DPP8: variants seen among roughly 807,000 people sequenced by gnomAD.
The protein encoded by DPP8 is dipeptidyl peptidase 8.
In DPP8, 31 loss-of-function variants were observed where a neutral mutation model predicts 107.5. The observed-to-expected ratio is 0.29, with a 90% CI of 0.22 to 0.39. The LOEUF (loss-of-function observed/expected upper bound fraction) is 0.39, where lower values mean the gene tolerates loss of function less well. Among genes scored for constraint, DPP8 ranks in the 10% least tolerant of loss-of-function variants. The probability of loss-of-function intolerance (pLI) is 1.00; values close to 1 mark genes in which losing one functional copy is unlikely to be tolerated. For synonymous variants in DPP8, 381 were observed against 356.6 expected (o/e 1.07, Z -0.77); for missense variants, 842 against 1,076.1 (o/e 0.78, Z 3.04).
intron 13 of DPP8, 66 bp from the exon 14 acceptor site, chr15:65,466,879 C>G: frequency 6.7e-7 from 1 of 1,501,080 alleles, no homozygotes; most frequent in South Asian, 1.2e-5. Flanking sequence ...GCTGTTACAT[C>G]TGCACTAATG....
intron 3 of DPP8, among the ~76,000 whole-genome samples, chr15:65,503,685 C>T (rs1459739277): frequency 1.3e-5 from 2 of 151,958 alleles, no homozygotes; most frequent in South Asian, 2.1e-4. Flanking sequence ...TGCAGTGGCA[C>T]GATTTAAGCT....
chr15:65,471,973 C>G lies in DPP8; in HGVS notation c.1536+2236G>C, dbSNP rs1444722971. Among the ~76,000 whole-genome samples the G allele has an allele frequency of 2.0e-4, 30 of 152,140 alleles. 1 individual carries two copies. The highest frequency in any genetic ancestry group is 5.9e-5 in the Non-Finnish European group (4 of 68,034). On this transcript the variant is annotated intron_variant, in intron 12 of 19. Transcript: ENST00000300141. ...GCCTTCACTAAATCCTGGCAGCATA[C>G]CTCAACTATATGTGTCACACACATA... is the stretch of plus-strand genomic sequence containing the variant.
chr15:65,498,160 G>A (rs990125276), intron 4 of DPP8, 128 bp from the exon 5 acceptor site: 3 of 639,514 alleles, frequency 4.7e-6, no homozygotes, highest in Non-Finnish European at 4.8e-6. Context: ...GGTGACTTAC[G>A]CCTGTAATCC....
intron 7 of DPP8, among the ~76,000 whole-genome samples, 170 bp downstream of exon 7, chr15:65,487,520 A>G (rs905901164): frequency 6.6e-6 from 1 of 152,208 alleles, no homozygotes; most frequent in African/African-American, 2.4e-5. Context: ...AAAGAATCAA[A>G]AAGATCACCC....
intron 1 of DPP8, among the ~76,000 whole-genome samples, chr15:65,514,028 A>G (rs538437341): frequency 5.9e-5 from 9 of 152,166 alleles, no homozygotes; most frequent in Non-Finnish European, 7.3e-5. Flanking sequence ...TACATTTAAT[A>G]TATCTTTTTT....
At chr15:65,504,628 C>T (rs1409755717) in intron 3 of DPP8, among the ~76,000 whole-genome samples, 11 of 136,964 alleles carry the variant, frequency 8.0e-5, no homozygotes, top group Non-Finnish European at 3.0e-5. Flanking sequence ...GAGAACGCGC[C>T]ACTGCACTCC....
intron 5 of DPP8, among the ~76,000 whole-genome samples, chr15:65,497,018 TAGCTGGGAATTACAGGTG>T (rs2068672519): frequency 6.6e-6 from 1 of 152,136 alleles, no homozygotes; most frequent in Non-Finnish European, 1.5e-5. Flanking sequence ...ACCTCCCTAG[TAGCTGGGAATTACAGGTG>T]TGCACCACCA....
intron 12 of DPP8, among the ~76,000 whole-genome samples, chr15:65,468,895 G>A (rs1228344253): frequency 6.6e-6 from 1 of 152,108 alleles, no homozygotes; most frequent in African/African-American, 2.4e-5. Context: ...TCATAATTGT[G>A]TGGGGGGCTT....
chr15:65,445,054 T>C lies in DPP8; in HGVS notation c.*1830A>G, dbSNP rs1213802960. 6.6e-6 allele frequency: 1 copy of C among 152,158 alleles called. No individual in the cohort carries two copies. Among genetic ancestry groups the C allele is most frequent in the East Asian group, 1.9e-4 (1 of 5,206 alleles). The allele number at this position is 152,158 out of a possible 1,614,324, so 9.4% of individuals were successfully genotyped here. A position where few individuals can be genotyped will look rare whatever the true frequency, so the allele number is the denominator to read the frequency against. ...TATCAAACATGAAAAGCAATACATA[T>C]ACAGATAATAAGAAAAAGCGTGGTA... On this transcript the variant is annotated 3_prime_UTR_variant, in exon 20 of 20. Coordinates refer to ENST00000300141, the MANE Select transcript of DPP8 (RefSeq NM_130434.5).
intron 5 of DPP8, among the ~76,000 whole-genome samples, chr15:65,494,051 G>C (rs1184930868): frequency 6.9e-6 from 1 of 145,088 alleles, no homozygotes; most frequent in East Asian, 2.0e-4. Context: ...ATTAATATCT[G>C]TTTTTACAGA....
chr15:65,475,014 G>GC (rs1567194270), intron 11 of DPP8, among the ~76,000 whole-genome samples: 2 of 150,694 alleles, frequency 1.3e-5, no homozygotes, highest in African/African-American at 4.9e-5. Context: ...TCTTTTCGTT[G>GC]TTTTTTTTTC....
At chr15:65,465,823 T>G (rs2065301863) in intron 14 of DPP8, among the ~76,000 whole-genome samples, 1 of 152,334 alleles carries the variant, frequency 6.6e-6, no homozygotes, top group African/African-American at 2.4e-5. Flanking sequence ...CCCAAAGTGC[T>G]GGGATTACAC....
chr15:65,481,909 C>G (rs1334109500), intron 8 of DPP8, among the ~76,000 whole-genome samples: 1 of 151,948 alleles, frequency 6.6e-6, no homozygotes. Flanking sequence ...GTTTTAATCA[C>G]CTTAGACTCC....
chr15:65,465,758 G>A (rs1057233782), intron 14 of DPP8, among the ~76,000 whole-genome samples: 4 of 151,634 alleles, frequency 2.6e-5, no homozygotes, highest in Admixed American at 6.6e-5. Context: ...GGGTTTCACC[G>A]TGTTAGCCAG....
chr15:65,466,877 A>G (rs2065406529), intron 13 of DPP8, 64 bp from the exon 14 acceptor site: 4 of 1,500,546 alleles, frequency 2.7e-6, no homozygotes, highest in Non-Finnish European at 1.8e-6. Context: ...CTGCTGTTAC[A>G]TCTGCACTAA....
At chr15:65,509,526 T>C (rs2070485297) in intron 2 of DPP8, among the ~76,000 whole-genome samples, 1 of 152,230 alleles carries the variant, frequency 6.6e-6, no homozygotes, top group Non-Finnish European at 1.5e-5. Context: ...GCAGTCATTT[T>C]GGGCCCATGT....
intron 2 of DPP8, among the ~76,000 whole-genome samples, chr15:65,509,311 C>T (rs545812084): frequency 2.3e-4 from 35 of 152,250 alleles, no homozygotes; most frequent in African/African-American, 8.2e-4. Flanking sequence ...AAAGACAAAA[C>T]TGGTTTTCTT....
intron 15 of DPP8, among the ~76,000 whole-genome samples, chr15:65,461,760 C>T (rs2064946153): frequency 6.6e-6 from 1 of 152,074 alleles, no homozygotes. Flanking sequence ...CTTGCCACCA[C>T]TGGCTAATGT....
At chr15:65,456,635 AC>A (rs1482254652) in intron 15 of DPP8, among the ~76,000 whole-genome samples, 1 of 152,122 alleles carries the variant, frequency 6.6e-6, no homozygotes, top group Non-Finnish European at 1.5e-5. Flanking sequence ...GAATCAACCC[AC>A]CCCATATAAA....
Sources: allele counts gnomAD v4.1 joint callset (sites outside exome capture counted in the v4.1 genomes callset), GRCh38; gene constraint gnomAD v4.1.1; transcripts MANE v1.5; gene names NCBI Gene and HGNC (gene_info 2026-07-23, HGNC 2026-07-21).